The following MARCHF1 variants were observed in gnomAD, a reference collection of about 807,000 sequenced individuals.
MARCHF1 encodes the protein E3 ubiquitin-protein ligase MARCHF1.
Under a neutral mutation model 54.2 loss-of-function variants are expected in MARCHF1, and 40 were observed. The ratio of observed to expected loss-of-function variants is 0.74; its 90% CI spans 0.57 to 0.96. The LOEUF is 0.96. MARCHF1 is among the 40% of genes least tolerant of loss of function. MARCHF1 has a pLI of 0.00. For synonymous variants in MARCHF1, 236 were observed against 236.3 expected (o/e 1.00, Z 0.01); for missense variants, 586 against 656.5 (o/e 0.89, Z 1.17).
At chr4:164,022,285 AG>A (rs767559239) in intron 2 of MARCHF1, among the ~76,000 whole-genome samples, 6 of 152,238 alleles carry the variant, frequency 3.9e-5, no homozygotes, top group Non-Finnish European at 7.3e-5. Flanking sequence ...GAAGACAAGA[AG>A]GATAACTGGA....
intron 1 of MARCHF1, among the ~76,000 whole-genome samples, chr4:164,244,642 C>A (rs1264315917): frequency 6.7e-6 from 1 of 149,850 alleles, no homozygotes; most frequent in Non-Finnish European, 1.5e-5. Flanking sequence ...ACACAAAAAA[C>A]CCTTCAAAAA....
chr4:163,877,380 A>G (rs565883522), intron 3 of MARCHF1, among the ~76,000 whole-genome samples: 1 of 152,006 alleles, frequency 6.6e-6, no homozygotes, highest in South Asian at 2.1e-4. Context: ...AATTAACTGA[A>G]GAGCTCTGAA....
At chr4:163,909,732 A>G (rs1221459701) in intron 3 of MARCHF1, among the ~76,000 whole-genome samples, 1 of 152,204 alleles carries the variant, frequency 6.6e-6, no homozygotes, top group Non-Finnish European at 1.5e-5. Context: ...TTTCATATAA[A>G]ATAAAATTGG....
chr4:164,159,441 C>A (rs922654233), intron 1 of MARCHF1, among the ~76,000 whole-genome samples: 3 of 152,024 alleles, frequency 2.0e-5, no homozygotes, highest in Non-Finnish European at 4.4e-5. Flanking sequence ...ATGTTTCTCT[C>A]CTTTTTAATA....
chr4:163,830,730 G>A (rs1308060460), intron 4 of MARCHF1, among the ~76,000 whole-genome samples: 1 of 151,856 alleles, frequency 6.6e-6, no homozygotes, highest in Non-Finnish European at 1.5e-5. Context: ...CTGGGCAACA[G>A]AGTGACACCC....
intron 4 of MARCHF1, among the ~76,000 whole-genome samples, chr4:163,832,325 G>C (rs1749050258): frequency 6.6e-6 from 1 of 152,136 alleles, no homozygotes; most frequent in African/African-American, 2.4e-5. Flanking sequence ...TTTTCTCCGT[G>C]AGTTTTGCAA....
intron 3 of MARCHF1, among the ~76,000 whole-genome samples, chr4:163,952,420 T>C (rs897365288): frequency 2.6e-5 from 4 of 152,190 alleles, no homozygotes; most frequent in Non-Finnish European, 5.9e-5. Context: ...CTCTGGGCTA[T>C]AAGGGATTCC....
At chr4:164,256,347 T>A (rs1361839358) in intron 1 of MARCHF1, among the ~76,000 whole-genome samples, 1 of 147,194 alleles carries the variant, frequency 6.8e-6, no homozygotes, top group East Asian at 2.0e-4. Flanking sequence ...AAAGTGGTGC[T>A]CAGAATAAAA....
intron 2 of MARCHF1, among the ~76,000 whole-genome samples, chr4:164,072,563 A>G (rs1216113472): frequency 6.6e-6 from 1 of 152,142 alleles, no homozygotes; most frequent in Non-Finnish European, 1.5e-5. Context: ...TCTGTCTTGA[A>G]GAAGAAAATA....
chr4:163,792,826 G>A (rs1415036423), intron 4 of MARCHF1, among the ~76,000 whole-genome samples: 1 of 152,174 alleles, frequency 6.6e-6, no homozygotes, highest in Non-Finnish European at 1.5e-5. Context: ...ACCCAGGGAG[G>A]AAATAAACCG....
At chr4:164,368,668 A>G (rs539251282) in intron 1 of MARCHF1, among the ~76,000 whole-genome samples, 1 of 152,228 alleles carries the variant, frequency 6.6e-6, no homozygotes, top group African/African-American at 2.4e-5. Flanking sequence ...TATCCTAAAT[A>G]TGCAGGGACT....
intron 2 of MARCHF1, among the ~76,000 whole-genome samples, chr4:163,995,948 A>T (rs1753067151): frequency 6.6e-6 from 1 of 152,096 alleles, no homozygotes. Flanking sequence ...ATTTATTTAC[A>T]TGTAATTTAT....
At chr4:163,926,300 T>C (rs1277583859) in intron 3 of MARCHF1, among the ~76,000 whole-genome samples, 1 of 151,764 alleles carries the variant, frequency 6.6e-6, no homozygotes, top group Non-Finnish European at 1.5e-5. Context: ...TACTGTAAGA[T>C]TCATCCACAT....
intron 4 of MARCHF1, among the ~76,000 whole-genome samples, chr4:163,739,391 G>T (rs905481376): frequency 6.6e-6 from 1 of 152,150 alleles, no homozygotes; most frequent in African/African-American, 2.4e-5. Context: ...TATGAAGGCT[G>T]ATTATTATAT....
chr4:164,110,123 TACACACACACACACAC>T (rs70948699), intron 2 of MARCHF1, among the ~76,000 whole-genome samples: 1 of 145,932 alleles, frequency 6.9e-6, no homozygotes, highest in South Asian at 2.2e-4. Context: ...GAATTGGAGA[TACACACACACACACAC>T]ACACACACAC....
At chr4:163,929,387 G>T (rs1051861971) in intron 3 of MARCHF1, among the ~76,000 whole-genome samples, 27 of 151,836 alleles carry the variant, frequency 1.8e-4, no homozygotes, top group African/African-American at 6.3e-4. Context: ...ATCAATGAAG[G>T]TTAGCTACTA....
rs879762898 is a variant in MARCHF1 at position 164,190,131 on chromosome 4, T to G, written c.-322-78469A>C. 7.8e-6 allele frequency: 12 copies of G among 1,538,314 alleles called. No homozygotes were observed. In the Admixed American group the frequency reaches 2.3e-4, roughly 29 times the overall value. Reference sequence around the variant, plus strand: ...TAAAGAAAAGCTGGGAGGTAAACTTTCCTCTGAAGATAAGGAGACCATGGA... The same window carrying G: ...TAAAGAAAAGCTGGGAGGTAAACTTGCCTCTGAAGATAAGGAGACCATGGA... On this transcript the variant is annotated intron_variant, in intron 1 of 9. Coordinates refer to ENST00000514618, the MANE Select transcript of MARCHF1 (RefSeq NM_001394959.1).
intron 3 of MARCHF1, among the ~76,000 whole-genome samples, chr4:163,914,406 C>A (rs1320815220): frequency 6.6e-6 from 1 of 151,950 alleles, no homozygotes; most frequent in Non-Finnish European, 1.5e-5. Flanking sequence ...AGTTTTTCAT[C>A]TTTAAATGTG....
At chr4:164,291,799 C>G (rs192764128) in intron 1 of MARCHF1, among the ~76,000 whole-genome samples, 7 of 151,934 alleles carry the variant, frequency 4.6e-5, no homozygotes, top group Non-Finnish European at 8.8e-5. Flanking sequence ...TATGGGACCA[C>G]CCCTGAATAT....
Sources: gnomAD v4.1 joint callset for allele counts (sites outside exome capture counted in the v4.1 genomes callset) on GRCh38, gnomAD v4.1.1 for gene constraint, MANE v1.5 for transcripts, NCBI Gene and HGNC (gene_info 2026-07-23, HGNC 2026-07-21) for gene names.